Variants in ADRA1A observed in about 807,000 individuals in gnomAD.
ADRA1A encodes adrenoceptor alpha 1A.
ADRA1A carries 31 observed loss-of-function variants against 29.6 expected under a neutral mutation model. The ratio of observed to expected loss-of-function variants is 1.05; its 90% CI spans 0.79 to 1.41. The LOEUF (loss-of-function observed/expected upper bound fraction) is 1.41, where lower values mean the gene tolerates loss of function less well. ADRA1A is among the 40% of genes most tolerant of loss of function. ADRA1A has a pLI of 0.00. For synonymous variants in ADRA1A, 311 were observed against 254.3 expected (o/e 1.22, Z -2.12); for missense variants, 619 against 601.1 (o/e 1.03, Z -0.31).
intron 2 of ADRA1A, among the ~76,000 whole-genome samples, chr8:26,844,437 G>A (rs1166835265): frequency 6.6e-6 from 1 of 152,146 alleles, no homozygotes; most frequent in African/African-American, 2.4e-5. Flanking sequence ...GTAAAAAATA[G>A]TGGGTAGTAA....
rs144635236 is a variant in ADRA1A, at chr8:26,775,095, G to A, written c.884-4429C>T. Among the ~76,000 whole-genome samples the A allele has an allele frequency of 2.8e-3, 429 of 152,280 alleles. 8 individuals carry two copies. The highest frequency in any genetic ancestry group is 0.023 in the Admixed American group (355 of 15,290). On this transcript the variant is annotated intron_variant, in intron 2 of 2. Coordinates refer to ENST00000380573, the MANE Select transcript of ADRA1A (RefSeq NM_000680.4). This position sits in a 1 kb window ranked among gnomAD's most constrained non-coding sequence, Gnocchi z 4.1. ...AGTCCATTCGAGCAGCCATCCGGCC[G>A]GCTTTGCTCACTCACGGAGCTCCAG... is the stretch of plus-strand genomic sequence containing the variant.
rs995559912 is a variant in ADRA1A at position 26,769,447 on chromosome 8, T to G, written c.*702A>C. On this transcript the variant is annotated 3_prime_UTR_variant, in exon 3 of 3. Coordinates refer to ENST00000380573, the MANE Select transcript of ADRA1A (RefSeq NM_000680.4). ...GGAAAAGCCATACCACCCTGGTTGG[T>G]TCTTTCAACCCTCTCCTGACCCAAG... is the stretch of plus-strand genomic sequence containing the variant. 36 of 985,286 alleles carry G rather than the reference T, an allele frequency of 3.7e-5. No individual in the cohort carries two copies. The highest frequency in any genetic ancestry group is 4.1e-5 in the Non-Finnish European group (34 of 829,942). 61.0% of individuals were successfully genotyped at this position (985,286 alleles called of 1,614,324 possible).
chr8:26,778,992 A>G (rs930762329), intron 2 of ADRA1A: 1 of 179,094 alleles, frequency 5.6e-6, no homozygotes, highest in African/African-American at 2.4e-5. Context: ...TCTGCACAAA[A>G]TCTCTCCCTG....
intron 2 of ADRA1A, chr8:26,748,812 C>A: frequency 2.6e-6 from 1 of 390,244 alleles, no homozygotes; most frequent in Admixed American, 3.4e-5. Flanking sequence ...TGAATTTATT[C>A]AGCATGGCTT....
chr8:26,841,583 C>T lies in ADRA1A; in HGVS notation c.883+22504G>A, dbSNP rs1404690182. Among the ~76,000 whole-genome samples, 1 of 152,166 alleles carries T rather than the reference C, an allele frequency of 6.6e-6. No homozygotes were observed. The highest frequency in any genetic ancestry group is 6.5e-5 in the Admixed American group (1 of 15,282). On this transcript the variant is annotated intron_variant, in intron 2 of 2. Coordinates refer to ENST00000380573, the MANE Select transcript of ADRA1A (RefSeq NM_000680.4). This position sits in a 1 kb window ranked among gnomAD's most constrained non-coding sequence, Gnocchi z 4.4. ...CAATCTTTCATCCCTTTGCTTTGTC[C>T]TCTCAGGTCCTGGCTCTGTTCCTCA...
chr8:26,840,657 C>A (rs1811755156), intron 2 of ADRA1A, among the ~76,000 whole-genome samples: 1 of 151,862 alleles, frequency 6.6e-6, no homozygotes, highest in South Asian at 2.1e-4. Flanking sequence ...GGAATTATTA[C>A]CTTCCCCATT....
rs1014490133 is a variant in ADRA1A, at chr8:26,856,329, G to T, written c.883+7758C>A. 2.6e-5 allele frequency among the ~76,000 whole-genome samples: 4 copies of T among 152,154 alleles called. No individual in the cohort carries two copies. The East Asian group carries it at 5.8e-4, about 22-fold the overall frequency. On this transcript the variant is annotated intron_variant, in intron 2 of 2. Coordinates refer to ENST00000380573, the MANE Select transcript of ADRA1A (RefSeq NM_000680.4). ...ACAGCTCCCCTTGTCCTGCATAAAG[G>T]TCTCCCAACTGGTCTATCCACAATC...
At chr8:26,851,339 A>G (rs538195357) in intron 2 of ADRA1A, among the ~76,000 whole-genome samples, 2 of 152,184 alleles carry the variant, frequency 1.3e-5, no homozygotes, top group Non-Finnish European at 2.9e-5. Flanking sequence ...TAAAAACAGG[A>G]GACAAGCTTT....
At chr8:26,812,120 C>G (rs1563271753) in intron 2 of ADRA1A, among the ~76,000 whole-genome samples, 1 of 152,152 alleles carries the variant, frequency 6.6e-6, no homozygotes, top group Admixed American at 6.5e-5. Context: ...ACAATGAGAT[C>G]TAATGAAATG....
At chr8:26,790,153 C>T (rs993845005) in intron 2 of ADRA1A, among the ~76,000 whole-genome samples, 1 of 152,148 alleles carries the variant, frequency 6.6e-6, no homozygotes, top group Admixed American at 6.5e-5. Context: ...GATCTCTGCA[C>T]TTCTGTGTTT....
chr8:26,765,960 C>CTTGAGAAAAGAAA, downstream of ADRA1A: 1 of 1,555,000 alleles, frequency 6.4e-7, no homozygotes, highest in African/African-American at 1.4e-5. Flanking sequence ...CCAGTTTTCA[C>CTTGAGAAAAGAAA]TTAGGAACAA....
chr8:26,771,177 T>G (rs1806113706), intron 2 of ADRA1A, among the ~76,000 whole-genome samples: 1 of 152,236 alleles, frequency 6.6e-6, no homozygotes, highest in African/African-American at 2.4e-5. Context: ...AATCTCAACT[T>G]TACACAATAT....
At chr8:26,797,262 G>A (rs1808249014) in intron 2 of ADRA1A, among the ~76,000 whole-genome samples, 1 of 151,936 alleles carries the variant, frequency 6.6e-6, no homozygotes, top group Non-Finnish European at 1.5e-5. Context: ...TGTTATTTAT[G>A]TTAATATGTA....
rs1809711374 is a variant in ADRA1A at position 26,815,760 on chromosome 8, A to T, written c.884-45094T>A. Among the ~76,000 whole-genome samples the T allele has an allele frequency of 6.6e-6, 1 of 152,244 alleles. No individual in the cohort carries two copies. The highest frequency in any genetic ancestry group is 1.5e-5 in the Non-Finnish European group (1 of 68,054). On this transcript the variant is annotated intron_variant, in intron 2 of 2. Coordinates refer to ENST00000380573, the MANE Select transcript of ADRA1A (RefSeq NM_000680.4). The surrounding 1 kb of genome is among the most constrained non-coding windows in gnomAD (Gnocchi z 4.2). ...CAATAATTGGAAATGTGCAGCCTCA[A>T]ATATTTCTATCAGAGAAGAAGAAGG...
In ADRA1A at chr8:26,775,094, C is replaced by A. The variant is rs183816450; in HGVS notation, c.884-4428G>T. On this transcript the variant is annotated intron_variant, in intron 2 of 2. Transcript: ENST00000380573. The surrounding 1 kb of genome is among the most constrained non-coding windows in gnomAD (Gnocchi z 4.1). ...AAGTCCATTCGAGCAGCCATCCGGC[C>A]GGCTTTGCTCACTCACGGAGCTCCA... Among the ~76,000 whole-genome samples the A allele has an allele frequency of 5.3e-4, 81 of 152,318 alleles. 1 individual carries two copies. The highest frequency in any genetic ancestry group is 6.8e-3 in the Middle Eastern group (2 of 294).
At chr8:26,761,881 T>A (rs943190028), downstream of ADRA1A, among the ~76,000 whole-genome samples, 65 of 152,308 alleles carry the variant, frequency 4.3e-4, no homozygotes, top group African/African-American at 1.5e-3. Context: ...GCAGATGGGC[T>A]GCTGGGGACA....
In ADRA1A at chr8:26,769,892, G is replaced by T; in HGVS notation, c.*257C>A. 8.1e-7 allele frequency: 1 copy of T among 1,232,086 alleles called. No individual in the cohort carries two copies. The highest frequency in any genetic ancestry group is 1.0e-6 in the Non-Finnish European group (1 of 986,826). The allele number at this position is 1,232,086 out of a possible 1,614,324, so 76.3% of individuals were successfully genotyped here. A position where few individuals can be genotyped will look rare whatever the true frequency, so the allele number is the denominator to read the frequency against. The stretch of plus-strand genomic sequence containing the variant: ...CCCATGGTGGTTTTCGTTGAAGTGG[G>T]CACAGAGTGACCAAGAAAGCATTAG... On this transcript the variant is annotated 3_prime_UTR_variant, in exon 3 of 3. Transcript: ENST00000380573.
rs1053342198 is a variant in ADRA1A, at chr8:26,821,853, G to A, written c.883+42234C>T. ...TTATGTAAATAGAGTCATACAGTAT[G>A]CAATCATTTTGGGATTGGCTTTTTC... On this transcript the variant is annotated intron_variant, in intron 2 of 2. Coordinates refer to ENST00000380573, the MANE Select transcript of ADRA1A (RefSeq NM_000680.4). The surrounding 1 kb of genome is among the most constrained non-coding windows in gnomAD (Gnocchi z 5.6). 2.6e-5 allele frequency among the ~76,000 whole-genome samples: 4 copies of A among 152,168 alleles called. No individual in the cohort carries two copies. Among genetic ancestry groups the A allele is most frequent in the African/African-American group, 9.7e-5 (4 of 41,450 alleles).
At chr8:26,779,009 C>G (rs949513558) in intron 2 of ADRA1A, 2 of 202,804 alleles carry the variant, frequency 9.9e-6, no homozygotes, top group Non-Finnish European at 2.0e-5. Flanking sequence ...CCTGAGACCA[C>G]CCAGTCTAAA....
Sources: gnomAD v4.1 joint callset for allele counts (sites outside exome capture counted in the v4.1 genomes callset) on GRCh38, gnomAD v4.1.1 for gene constraint, Gnocchi (gnomAD v3.1) non-coding constraint, MANE v1.5 for transcripts, NCBI Gene and HGNC (gene_info 2026-07-23, HGNC 2026-07-21) for gene names.